Variants in FGD3 observed in about 807,000 individuals in gnomAD.
The protein encoded by FGD3 is FYVE, RhoGEF and PH domain containing 3.
FGD3 carries 45 observed loss-of-function variants against 71.8 expected under a neutral mutation model. The observed-to-expected ratio is 0.63, with a 90% CI of 0.49 to 0.80. The LOEUF is 0.80. Among genes scored for constraint, FGD3 ranks in the 30% least tolerant of loss-of-function variants. FGD3 has a pLI of 0.00. For synonymous variants in FGD3, 378 were observed against 392.8 expected (o/e 0.96, Z 0.44); for missense variants, 844 against 951.5 (o/e 0.89, Z 1.49).
chr9:92,960,471 T>G (rs1859149386), intron 1 of FGD3, among the ~76,000 whole-genome samples: 1 of 152,168 alleles, frequency 6.6e-6, no homozygotes, highest in South Asian at 2.1e-4. Flanking sequence ...ATTCAAAGGC[T>G]GCAGAATAAC....
At chr9:92,954,073 C>A (rs1001917702) in intron 1 of FGD3, among the ~76,000 whole-genome samples, 1 of 152,174 alleles carries the variant, frequency 6.6e-6, no homozygotes, top group Non-Finnish European at 1.5e-5. Context: ...TACTGAGAAG[C>A]ATCAAGAAGC....
At chr9:93,016,310 C>T (rs1257756800) in intron 10 of FGD3, among the ~76,000 whole-genome samples, 1 of 147,966 alleles carries the variant, frequency 6.8e-6, no homozygotes, top group East Asian at 2.0e-4. Context: ...CCAGGCAGAT[C>T]TGTAGCATGG....
intron 1 of FGD3, among the ~76,000 whole-genome samples, chr9:92,956,800 G>A (rs1859058262): frequency 6.7e-6 from 1 of 149,416 alleles, no homozygotes; most frequent in South Asian, 2.1e-4. Context: ...AGTCTTTTGT[G>A]TCTGGCTTTG....
chr9:92,954,518 C>T (rs1296787239), intron 1 of FGD3, among the ~76,000 whole-genome samples: 1 of 152,148 alleles, frequency 6.6e-6, no homozygotes, highest in African/African-American at 2.4e-5. Flanking sequence ...GGCTGTGACC[C>T]TAATAAGTGA....
chr9:92,954,146 C>G (rs1376026267), intron 1 of FGD3, among the ~76,000 whole-genome samples: 1 of 152,186 alleles, frequency 6.6e-6, no homozygotes, highest in African/African-American at 2.4e-5. Context: ...CACACAGCCT[C>G]TCTGCCAGGA....
At chr9:93,031,216 T>C (rs1465921880) in intron 15 of FGD3, among the ~76,000 whole-genome samples, 1 of 152,200 alleles carries the variant, frequency 6.6e-6, no homozygotes, top group East Asian at 1.9e-4. Flanking sequence ...GTTTGTACTC[T>C]AGAATTGGGG....
chr9:93,027,715 CTT>C (rs1199094054), intron 14 of FGD3, among the ~76,000 whole-genome samples: 3 of 101,998 alleles, frequency 2.9e-5, no homozygotes, highest in African/African-American at 4.0e-5. Flanking sequence ...TTCTTTCTTT[CTT>C]TTTTTTTTTT....
chr9:93,032,936 C>CTG (rs770454388), intron 16 of FGD3, 63 bp downstream of exon 16: 1 of 1,452,662 alleles, frequency 6.9e-7, no homozygotes, highest in African/African-American at 1.4e-5. Flanking sequence ...ACACCTGCTC[C>CTG]TGTGCCCCAG....
chr9:92,975,197 T>G (rs1175590909), intron 1 of FGD3, 41 bp from the exon 2 acceptor site: 1 of 152,308 alleles, frequency 6.6e-6, no homozygotes, highest in East Asian at 1.9e-4. Flanking sequence ...CAAATGCCAG[T>G]TGGAGAAGGT....
intron 9 of FGD3, among the ~76,000 whole-genome samples, chr9:93,015,327 C>T (rs560331128): frequency 8.9e-4 from 136 of 152,068 alleles, no homozygotes; most frequent in African/African-American, 3.0e-3. Flanking sequence ...GTGGTAGCAC[C>T]CGCCTGTAAT....
chr9:93,012,697 GGGGGGGA>G (rs1564163113), intron 8 of FGD3, among the ~76,000 whole-genome samples: 1 of 136,664 alleles, frequency 7.3e-6, no homozygotes, highest in African/African-American at 3.0e-5. Flanking sequence ...CGGGGTGTGG[GGGGGGGA>G]AGAATCAATC....
intron 6 of FGD3, 106 bp from the exon 7 acceptor site, chr9:93,010,140 C>T: frequency 7.2e-7 from 1 of 1,384,290 alleles, no homozygotes. Flanking sequence ...CAGTTCTGGG[C>T]AGCCAGTTCC....
intron 1 of FGD3, among the ~76,000 whole-genome samples, chr9:92,956,931 G>A (rs979458213): frequency 6.9e-6 from 1 of 144,906 alleles, no homozygotes; most frequent in South Asian, 2.2e-4. Flanking sequence ...CTTGACCTCC[G>A]GGGCTCAAGC....
chr9:93,020,808 C>T (rs866902921), intron 13 of FGD3, among the ~76,000 whole-genome samples: 1 of 152,196 alleles, frequency 6.6e-6, no homozygotes. Flanking sequence ...TTTGAACAGT[C>T]GGCCACCTTT....
At position 93,002,915 on chromosome 9, in the gene FGD3, C is replaced by T. The variant is rs371314662; in HGVS notation, c.454-10C>T. The T allele has an allele frequency of 1.7e-5, 28 of 1,613,272 alleles. No individual in the cohort carries two copies. Among genetic ancestry groups the T allele is most frequent in the Non-Finnish European group, 1.9e-5 (22 of 1,179,744 alleles). ...CTTCCCCAGGTGAGCTGCATCTCTTCTCTCCGCAGCACTCTGGCCCCCAGA... is the reference window on the plus strand; with the variant it reads ...CTTCCCCAGGTGAGCTGCATCTCTTTTCTCCGCAGCACTCTGGCCCCCAGA... On this transcript the variant is annotated splice_polypyrimidine_tract_variant and intron_variant, in intron 3 of 17. Coordinates refer to ENST00000375482, the MANE Select transcript of FGD3 (RefSeq NM_001083536.2).
chr9:92,953,522 C>T (rs972850470), intron 1 of FGD3, among the ~76,000 whole-genome samples: 16 of 152,226 alleles, frequency 1.1e-4, no homozygotes, highest in Admixed American at 9.2e-4. Context: ...GCCAGCTTCT[C>T]GCTGCTCACA....
chr9:93,001,261 T>C (rs72741053), intron 3 of FGD3, among the ~76,000 whole-genome samples: 10 of 152,308 alleles, frequency 6.6e-5, no homozygotes, highest in Non-Finnish European at 1.2e-4. Context: ...ACTATTTCGA[T>C]GTTTTTTCTC....
At chr9:92,957,677 C>CTTTTTTTTTT (rs60726578) in intron 1 of FGD3, among the ~76,000 whole-genome samples, 1 of 102,232 alleles carries the variant, frequency 9.8e-6, no homozygotes, top group Admixed American at 1.1e-4. Flanking sequence ...ATTTTCTTTT[C>CTTTTTTTTTT]TTTTTTTTTT....
intron 1 of FGD3, among the ~76,000 whole-genome samples, chr9:92,955,034 T>C (rs962978059): frequency 1.3e-5 from 2 of 152,098 alleles, no homozygotes; most frequent in Admixed American, 1.3e-4. Flanking sequence ...GCTCTAAAGC[T>C]GGTGTGGTCA....
Sources: allele counts gnomAD v4.1 joint callset (sites outside exome capture counted in the v4.1 genomes callset), GRCh38; gene constraint gnomAD v4.1.1; transcripts MANE v1.5; gene names NCBI Gene and HGNC (gene_info 2026-07-23, HGNC 2026-07-21).